The following CHDH variants were observed in gnomAD, a reference collection of about 807,000 sequenced individuals.
The protein encoded by CHDH is choline dehydrogenase, also known as choline dehydrogenase, mitochondrial.
In CHDH, 43 loss-of-function variants were observed where a neutral mutation model predicts 56.9. The ratio of observed to expected loss-of-function variants is 0.76; its 90% confidence interval spans 0.59 to 0.97. CHDH has a LOEUF of 0.97. Ranked by LOEUF, CHDH falls within the 50% of genes least tolerant of loss-of-function variation. CHDH has a pLI of 0.00. For missense variants in CHDH, 816 were observed against 821.1 expected, an observed-to-expected ratio of 0.99 and a Z score of 0.08; for synonymous variants, 364 against 348.5, an observed-to-expected ratio of 1.04 and a Z score of -0.50.
intron 2 of CHDH, among the ~76,000 whole-genome samples, chr3:53,836,377 G>A (rs768851919): frequency 1.3e-5 from 2 of 152,146 alleles, no homozygotes; most frequent in Non-Finnish European, 2.9e-5. Context: ...TGTGAGCATC[G>A]CTCCCTGGGA....
intron 2 of CHDH, among the ~76,000 whole-genome samples, chr3:53,836,745 C>T (rs760455011): frequency 6.6e-6 from 1 of 152,188 alleles, no homozygotes; most frequent in Non-Finnish European, 1.5e-5. Flanking sequence ...ACCCAACCTG[C>T]GCAGTCTGAG....
intron 2 of CHDH, 141 bp from the exon 3 acceptor site, chr3:53,824,208 A>G: frequency 1.9e-6 from 1 of 535,564 alleles, no homozygotes. Context: ...TGAGGGACAC[A>G]CAGGAATTTC....
At position 53,823,340 on chromosome 3, in the gene CHDH, C is replaced by T. The variant is rs886384076; in HGVS notation, c.669G>A (p.Glu223=). The change falls in exon 3 of 9, where the codon GAG becomes GAA. Residue 223 remains glutamate, a synonymous_variant. Coordinates refer to ENST00000315251, the MANE Select transcript of CHDH (RefSeq NM_018397.5). ...LTEDMNGFQQ[E]GFGWMDMTIH... ...TGGTCATGTCCATCCAGCCGAAGCC[C>T]TCCTGCTGGAAGCCATTCATGTCCT... 62 of 1,593,978 alleles carry T rather than the reference C, an allele frequency of 3.9e-5. No individual in the cohort carries two copies. Among genetic ancestry groups the T allele is most frequent in the Non-Finnish European group, 5.3e-5 (62 of 1,169,544 alleles).
At position 53,823,830 on chromosome 3, in the gene CHDH, G is replaced by C. The variant is rs947955144; in HGVS notation, c.179C>G (p.Thr60Arg). ...CAGCACGCGCTCGGCGGGGTCCTCCGTGAGCCTCCCAGCCAGCACGCAGCC... is the reference window on the plus strand; with the variant it reads ...CAGCACGCGCTCGGCGGGGTCCTCCCTGAGCCTCCCAGCCAGCACGCAGCC... ...SAGCVLAGRLTEDPAERVLLL... is the reference protein window; with the variant it reads ...SAGCVLAGRLREDPAERVLLL... Residue 60 changes from threonine (T) to arginine (R), a missense_variant, in exon 3 of 9, where the codon ACG becomes AGG. Transcript: ENST00000315251. 1 of 1,585,360 alleles carries C rather than the reference G, an allele frequency of 6.3e-7. No individual in the cohort carries two copies. Among genetic ancestry groups the C allele is most frequent in the South Asian group, 1.1e-5 (1 of 89,132 alleles).
At chr3:53,842,663 C>G (rs1447616974) in intron 1 of CHDH, among the ~76,000 whole-genome samples, 2 of 152,196 alleles carry the variant, frequency 1.3e-5, no homozygotes, top group Non-Finnish European at 2.9e-5. Flanking sequence ...GAGTTAACAC[C>G]TAGCCTGAGT....
chr3:53,821,631 A>G lies in CHDH; in HGVS notation c.985+16T>C. The G allele has an allele frequency of 6.2e-7, 1 of 1,611,312 alleles. No homozygotes were observed. The highest frequency in any genetic ancestry group is 1.3e-5 in the African/African-American group (1 of 75,000). On this transcript the variant is annotated intron_variant, in intron 5 of 8. Transcript: ENST00000315251. Reference sequence around the variant, plus strand: ...GCAGAGACAGCCTCTGGGGAGCAGTAAAGAAGGGGACTCACCAGGTAGGTG... The same window carrying G: ...GCAGAGACAGCCTCTGGGGAGCAGTGAAGAAGGGGACTCACCAGGTAGGTG...
Position 53,841,018 on chromosome 3 carries a change from G to T in CHDH, c.-130-19C>A, listed in dbSNP as rs1037743164. The T allele has an allele frequency of 6.6e-6, 1 of 150,704 alleles. No homozygotes were observed. Among genetic ancestry groups the T allele is most frequent in the African/African-American group, 2.4e-5 (1 of 41,352 alleles). The allele number at this position is 150,704 out of a possible 1,614,324, so 9.3% of individuals were successfully genotyped here. On this transcript the variant is annotated intron_variant, in intron 1 of 8. Coordinates refer to ENST00000315251, the MANE Select transcript of CHDH (RefSeq NM_018397.5). ...TGATTGTCTGAGAGAGATAAGTACA[G>T]AATCAAAAGTCAGAGGGTAGAAACT...
chr3:53,844,654 A>T (rs1242496405), intron 1 of CHDH: 1 of 152,624 alleles, frequency 6.6e-6, no homozygotes, highest in Non-Finnish European at 1.5e-5. Flanking sequence ...GCCCTGGCAC[A>T]CAACTGAAAA....
chr3:53,823,265 AG>A, intron 3 of CHDH, 40 bp downstream of exon 3: 1 of 1,436,926 alleles, frequency 7.0e-7, no homozygotes. Flanking sequence ...GGGCTGGGGT[AG>A]GGGGTAGTGC....
chr3:53,818,270 A>T, intron 8 of CHDH, 75 bp from the exon 9 acceptor site: 1 of 1,344,684 alleles, frequency 7.4e-7, no homozygotes, highest in Non-Finnish European at 1.0e-6. Context: ...CACGGCATGG[A>T]GAGGCTCTGT....
chr3:53,843,656 A>G (rs1698751013), intron 1 of CHDH, among the ~76,000 whole-genome samples: 1 of 152,168 alleles, frequency 6.6e-6, no homozygotes, highest in Admixed American at 6.5e-5. Context: ...CATCCATTCA[A>G]GCATTTAATG....
intron 2 of CHDH, among the ~76,000 whole-genome samples, chr3:53,835,190 A>G (rs748844780): frequency 3.3e-5 from 5 of 152,240 alleles, no homozygotes; most frequent in Admixed American, 6.5e-5. Flanking sequence ...AGAATTATAA[A>G]CAACCTAACA....
In CHDH at chr3:53,814,320, G is replaced by T. The variant is rs2095611970; in HGVS notation, c.*3457C>A. ...CCATAGAACTGACATCACGCAGAGA[G>T]CCCCGACTCCCTGATTAGCCCACCC... On this transcript the variant is annotated 3_prime_UTR_variant, in exon 9 of 9. Transcript: ENST00000315251. 6.6e-6 allele frequency: 1 copy of T among 152,218 alleles called. No homozygotes were observed. The highest frequency in any genetic ancestry group is 6.5e-5 in the Admixed American group (1 of 15,288). The allele number at this position is 152,218 out of a possible 1,614,324, so 9.4% of individuals were successfully genotyped here.
chr3:53,841,762 G>A (rs1335313545), intron 1 of CHDH, among the ~76,000 whole-genome samples: 1 of 152,124 alleles, frequency 6.6e-6, no homozygotes, highest in Non-Finnish European at 1.5e-5. Context: ...CTGCACCCAT[G>A]GCCCTAGGTT....
intron 8 of CHDH, among the ~76,000 whole-genome samples, chr3:53,818,444 G>C (rs1307936030): frequency 6.6e-6 from 1 of 152,148 alleles, no homozygotes; most frequent in African/African-American, 2.4e-5. Flanking sequence ...TTTAAATCAG[G>C]GATCTGACTT....
chr3:53,816,142 C>CCG lies in CHDH; in HGVS notation c.*1634_*1635insCG, dbSNP rs1293504791. On this transcript the variant is annotated 3_prime_UTR_variant, in exon 9 of 9. Coordinates refer to ENST00000315251, the MANE Select transcript of CHDH (RefSeq NM_018397.5). Reference sequence around the variant, plus strand: ...CTTGTGGCTGTCGGACGCCCCCCCCCCCCGCCCCAGTCTGTAAGCCGCCCC... The same window carrying CCG: ...CTTGTGGCTGTCGGACGCCCCCCCCCCGCCCGCCCCAGTCTGTAAGCCGCCCC... 1 of 115,192 alleles carries CCG rather than the reference C, an allele frequency of 8.7e-6. No individual in the cohort carries two copies. The highest frequency in any genetic ancestry group is 3.5e-5 in the African/African-American group (1 of 28,526). The allele number at this position is 115,192 out of a possible 1,614,324, so 7.1% of individuals were successfully genotyped here. A position where few individuals can be genotyped will look rare whatever the true frequency, so the allele number is the denominator to read the frequency against.
intron 2 of CHDH, among the ~76,000 whole-genome samples, chr3:53,824,286 C>A (rs1237547490): frequency 2.6e-5 from 4 of 152,224 alleles, no homozygotes; most frequent in Non-Finnish European, 5.9e-5. Flanking sequence ...AAAGGCCCCT[C>A]CCCCAACTGA....
At chr3:53,840,810 G>A (rs1033241129) in intron 2 of CHDH, 119 bp downstream of exon 2, 6 of 152,338 alleles carry the variant, frequency 3.9e-5, no homozygotes, top group South Asian at 4.1e-4. Flanking sequence ...GGCCGACAGC[G>A]AGGGATTTCC....
intron 2 of CHDH, among the ~76,000 whole-genome samples, chr3:53,838,934 C>G (rs1698589287): frequency 6.6e-6 from 1 of 152,158 alleles, no homozygotes; most frequent in Admixed American, 6.5e-5. Flanking sequence ...CCACCTGGAT[C>G]AGGCCCCATC....
Sources: allele counts gnomAD v4.1 joint callset (sites outside exome capture counted in the v4.1 genomes callset), GRCh38; gene constraint gnomAD v4.1.1; transcripts MANE v1.5; gene names NCBI Gene and HGNC (gene_info 2026-07-23, HGNC 2026-07-21).